The following ERBB4 variants were observed in gnomAD, a reference collection of about 807,000 sequenced individuals.
ERBB4 encodes the protein receptor tyrosine-protein kinase erbB-4.
A neutral mutation model predicts 158.0 loss-of-function variants in ERBB4; 42 were observed. The ratio of observed to expected loss-of-function variants is 0.27; its 90% CI spans 0.21 to 0.34. ERBB4 has a LOEUF of 0.34. Among genes scored for constraint, ERBB4 ranks in the 10% least tolerant of loss-of-function variants. The pLI, the probability that ERBB4 is intolerant of heterozygous loss-of-function variation, is 1.00. For synonymous variants in ERBB4, 583 were observed against 558.7 expected (o/e 1.04, Z -0.61); for missense variants, 1,333 against 1,624.1 (o/e 0.82, Z 3.08).
At chr2:211,774,369 G>A (rs1048159673) in intron 4 of ERBB4, among the ~76,000 whole-genome samples, 2 of 152,128 alleles carry the variant, frequency 1.3e-5, no homozygotes, top group African/African-American at 4.8e-5. Flanking sequence ...ACTGCGCCAG[G>A]CCAAGCAGTT....
At chr2:212,057,054 C>T (rs537093101) in intron 2 of ERBB4, among the ~76,000 whole-genome samples, 4 of 152,140 alleles carry the variant, frequency 2.6e-5, no homozygotes, top group East Asian at 3.9e-4. Flanking sequence ...CAGAGACACA[C>T]ATAGGCTCAA....
At chr2:211,398,032 A>G (rs879777058) in intron 25 of ERBB4, among the ~76,000 whole-genome samples, 3 of 152,168 alleles carry the variant, frequency 2.0e-5, no homozygotes, top group African/African-American at 7.2e-5. Flanking sequence ...GATAATCTAC[A>G]CTGATCTGTT....
chr2:212,214,449 A>G (rs953456016), intron 1 of ERBB4, among the ~76,000 whole-genome samples: 2 of 151,886 alleles, frequency 1.3e-5, no homozygotes, highest in Non-Finnish European at 2.9e-5. Context: ...AATAGTTTTT[A>G]TACTTCATGG....
At chr2:212,083,572 G>A (rs760298892) in intron 2 of ERBB4, among the ~76,000 whole-genome samples, 15 of 151,738 alleles carry the variant, frequency 9.9e-5, no homozygotes, top group Non-Finnish European at 2.1e-4. Context: ...AAGACTACAC[G>A]AGAGACTGCC....
Position 211,858,973 on chromosome 2 carries a change from G to C in ERBB4, c.422-70814C>G, listed in dbSNP as rs1483643837. Among the ~76,000 whole-genome samples the C allele has an allele frequency of 3.3e-5, 5 of 151,978 alleles. No individual in the cohort carries two copies. The East Asian group carries it at 5.8e-4, about 18-fold the overall frequency. On this transcript the variant is annotated intron_variant, in intron 3 of 27. Coordinates refer to ENST00000342788, the MANE Select transcript of ERBB4 (RefSeq NM_005235.3). ...ATTTTTGTATTTTTAATAGAGACAG[G>C]GTTTCACCATGTTGGCCAGACTGGT...
At chr2:211,681,681 TC>T (rs1162729915) in intron 12 of ERBB4, among the ~76,000 whole-genome samples, 1 of 152,156 alleles carries the variant, frequency 6.6e-6, no homozygotes, top group Non-Finnish European at 1.5e-5. Context: ...TGCCACCAAA[TC>T]TTTTGCCCAT....
intron 3 of ERBB4, among the ~76,000 whole-genome samples, chr2:211,920,433 G>A (rs2079827337): frequency 6.6e-6 from 1 of 151,938 alleles, no homozygotes; most frequent in Non-Finnish European, 1.5e-5. Flanking sequence ...TACTCATGCA[G>A]TGAAATGCTG....
chr2:212,274,052 TA>T lies in ERBB4; in HGVS notation c.83-149150del, dbSNP rs527368834. ...TATTTTGCATGTTACATGTGTTACA[TA>T]CTATATTCTTAAAGTAAGCTAGAGA... On this transcript the variant is annotated intron_variant, in intron 1 of 27. Transcript: ENST00000342788. Among the ~76,000 whole-genome samples the T allele has an allele frequency of 5.1e-3, 773 of 151,974 alleles. 4 individuals are homozygous for T. The highest frequency in any genetic ancestry group is 0.017 in the Middle Eastern group (5 of 294).
At chr2:211,915,294 T>C (rs77861953) in intron 3 of ERBB4, among the ~76,000 whole-genome samples, 174 of 152,204 alleles carry the variant, frequency 1.1e-3, no homozygotes, top group African/African-American at 4.0e-3. Flanking sequence ...CCAACTCAAA[T>C]TGCACCACTT....
At chr2:212,010,913 C>T (rs1168932838) in intron 2 of ERBB4, among the ~76,000 whole-genome samples, 2 of 152,146 alleles carry the variant, frequency 1.3e-5, no homozygotes, top group African/African-American at 4.8e-5. Flanking sequence ...ATCTCTCCTA[C>T]TTGCACATCC....
chr2:211,941,055 C>T (rs1398425324), intron 3 of ERBB4, among the ~76,000 whole-genome samples: 1 of 152,066 alleles, frequency 6.6e-6, no homozygotes. Flanking sequence ...CACAGTCTGA[C>T]ATGACAAGCA....
At chr2:212,098,676 T>C (rs1468005037) in intron 2 of ERBB4, among the ~76,000 whole-genome samples, 1 of 152,120 alleles carries the variant, frequency 6.6e-6, no homozygotes, top group East Asian at 1.9e-4. Context: ...TATTATATAA[T>C]ATTGTATTAT....
chr2:211,861,024 A>T (rs1208006674), intron 3 of ERBB4, among the ~76,000 whole-genome samples: 3 of 5,612 alleles, frequency 5.3e-4, no homozygotes, highest in Admixed American at 3.0e-3. Flanking sequence ...ATTTATATAT[A>T]TATAAATATA....
intron 1 of ERBB4, among the ~76,000 whole-genome samples, chr2:212,197,181 T>A (rs1307390744): frequency 6.6e-6 from 1 of 152,152 alleles, no homozygotes; most frequent in East Asian, 1.9e-4. Context: ...GCAATACTCA[T>A]TGTCATGACT....
chr2:211,776,219 T>C (rs1242075951), intron 4 of ERBB4, among the ~76,000 whole-genome samples: 1 of 151,988 alleles, frequency 6.6e-6, no homozygotes, highest in African/African-American at 2.4e-5. Flanking sequence ...TTAGATGGAG[T>C]TTTTTACAAC....
At chr2:211,465,283 G>A (rs959722714) in intron 20 of ERBB4, among the ~76,000 whole-genome samples, 4 of 150,722 alleles carry the variant, frequency 2.7e-5, no homozygotes, top group African/African-American at 9.7e-5. Flanking sequence ...GAATGCATGA[G>A]GAAGATCAGA....
chr2:211,495,933 C>T (rs1320985478), intron 20 of ERBB4, among the ~76,000 whole-genome samples: 2 of 151,812 alleles, frequency 1.3e-5, no homozygotes, highest in African/African-American at 4.8e-5. Flanking sequence ...GTAGGGTTGT[C>T]CTCTTCTATT....
At chr2:212,256,621 T>C (rs912278768) in intron 1 of ERBB4, among the ~76,000 whole-genome samples, 4 of 152,170 alleles carry the variant, frequency 2.6e-5, no homozygotes, top group Non-Finnish European at 4.4e-5. Context: ...ATTTACCTAA[T>C]AATGCCCTGA....
intron 1 of ERBB4, among the ~76,000 whole-genome samples, chr2:212,169,464 A>G (rs910493241): frequency 6.6e-6 from 1 of 152,194 alleles, no homozygotes; most frequent in African/African-American, 2.4e-5. Context: ...CCATATGCAG[A>G]AAATCGAAAC....
Sources: allele counts gnomAD v4.1 joint callset (sites outside exome capture counted in the v4.1 genomes callset), GRCh38; gene constraint gnomAD v4.1.1; transcripts MANE v1.5; gene names NCBI Gene and HGNC (gene_info 2026-07-23, HGNC 2026-07-21).